Variants in PTPRD observed in about 807,000 individuals in gnomAD.
PTPRD encodes the protein receptor-type tyrosine-protein phosphatase delta.
A neutral mutation model predicts 214.5 loss-of-function variants in PTPRD; 34 were observed. The observed-to-expected ratio is 0.16, with a 90% CI of 0.12 to 0.21. The LOEUF is 0.21. Ranked by LOEUF, PTPRD falls within the 10% of genes least tolerant of loss-of-function variation. The probability of loss-of-function intolerance (pLI) is 1.00; values close to 1 mark genes in which losing one functional copy is unlikely to be tolerated. For missense variants in PTPRD, 2,545 were observed against 2,398.7 expected (o/e 1.06, Z -1.27); for synonymous variants, 1,128 against 845.7 (o/e 1.33, Z -5.79).
intron 9 of PTPRD, among the ~76,000 whole-genome samples, chr9:9,296,732 T>C (rs898013714): frequency 6.6e-6 from 1 of 151,786 alleles, no homozygotes; most frequent in Non-Finnish European, 1.5e-5. Flanking sequence ...ACATTTTAAA[T>C]AAATAAGAAG....
chr9:9,998,765 G>T (rs575173781), intron 4 of PTPRD, among the ~76,000 whole-genome samples: 9 of 152,244 alleles, frequency 5.9e-5, no homozygotes, highest in Middle Eastern at 3.4e-3. Flanking sequence ...TGAGCTAATA[G>T]CTCTAACAAG....
intron 44 of PTPRD, among the ~76,000 whole-genome samples, chr9:8,323,729 C>G (rs185896361): frequency 2.0e-5 from 3 of 152,048 alleles, no homozygotes; most frequent in Non-Finnish European, 2.9e-5. Flanking sequence ...AGTGGCTTCT[C>G]AAGATGGAAT....
At chr9:10,610,747 C>G (rs1050470080) in intron 2 of PTPRD, among the ~76,000 whole-genome samples, 1 of 152,060 alleles carries the variant, frequency 6.6e-6, no homozygotes, top group Non-Finnish European at 1.5e-5. Context: ...TCAAATGATT[C>G]CATATATGAT....
chr9:9,067,276 C>G (rs534310627), intron 10 of PTPRD, among the ~76,000 whole-genome samples: 36 of 152,272 alleles, frequency 2.4e-4, no homozygotes, highest in African/African-American at 8.4e-4. Context: ...TGTCTTAATA[C>G]TGTAAGAATT....
At chr9:8,836,254 T>G (rs889403357) in intron 11 of PTPRD, among the ~76,000 whole-genome samples, 4 of 152,074 alleles carry the variant, frequency 2.6e-5, no homozygotes, top group Non-Finnish European at 5.9e-5. Context: ...AAATGTAAAA[T>G]TTGAGTGTTT....
At chr9:8,958,809 A>T (rs1285220215) in intron 11 of PTPRD, 5 of 152,022 alleles carry the variant, frequency 3.3e-5, no homozygotes, top group Non-Finnish European at 7.4e-5. Context: ...ACATCATCCC[A>T]TAACCACAAT....
chr9:9,328,825 A>G (rs2041178538), intron 9 of PTPRD, among the ~76,000 whole-genome samples: 1 of 150,462 alleles, frequency 6.6e-6, no homozygotes, highest in South Asian at 2.1e-4. Flanking sequence ...TTAAGTGGAG[A>G]CAGGGTTTCA....
At chr9:9,878,784 A>G (rs2067683936) in intron 5 of PTPRD, among the ~76,000 whole-genome samples, 1 of 152,196 alleles carries the variant, frequency 6.6e-6, no homozygotes, top group South Asian at 2.1e-4. Context: ...TCTTCTTCTA[A>G]TAATACATGG....
rs867033943 is a variant in PTPRD at position 8,544,475 on chromosome 9, T to C, written c.353-15696A>G. Among the ~76,000 whole-genome samples, 315 of 147,620 alleles carry C rather than the reference T, an allele frequency of 2.1e-3. 2 individuals are homozygous for C. Among genetic ancestry groups the C allele is most frequent in the Non-Finnish European group, 4.0e-3 (268 of 66,644 alleles). ...GAAAATAAAAAAAATAACTTTTTTT[T>C]TTTTTTTTTTTTTGAGACAGAGTCT... On this transcript the variant is annotated intron_variant, in intron 14 of 45. Transcript: ENST00000381196.
intron 12 of PTPRD, among the ~76,000 whole-genome samples, chr9:8,666,679 G>T (rs2097176742): frequency 6.6e-6 from 1 of 152,184 alleles, no homozygotes; most frequent in African/African-American, 2.4e-5. Flanking sequence ...TTTGATAACA[G>T]GAGACAAAAT....
chr9:8,934,465 A>ATATATATATATATT (rs2098978910), intron 11 of PTPRD, among the ~76,000 whole-genome samples: 8 of 7,600 alleles, frequency 1.1e-3, no homozygotes, highest in South Asian at 5.1e-3. Flanking sequence ...ATATATATAA[A>ATATATATATATATT]TATATATATA....
At chr9:8,424,074 G>C (rs1392444691) in intron 35 of PTPRD, among the ~76,000 whole-genome samples, 1 of 152,096 alleles carries the variant, frequency 6.6e-6, no homozygotes, top group Admixed American at 6.6e-5. Flanking sequence ...TGGGTATAAA[G>C]GTTCCTATCC....
chr9:8,735,635 C>T (rs1240991927), intron 11 of PTPRD, among the ~76,000 whole-genome samples: 5 of 152,100 alleles, frequency 3.3e-5, no homozygotes, highest in South Asian at 2.1e-4. Flanking sequence ...CAGAGTCAGG[C>T]GCAGTGGCTT....
At chr9:9,536,576 G>A (rs2076557619) in intron 8 of PTPRD, among the ~76,000 whole-genome samples, 2 of 152,078 alleles carry the variant, frequency 1.3e-5, no homozygotes, top group Middle Eastern at 3.4e-3. Context: ...AACTCACTGG[G>A]CTGGACAGAG....
rs2137510392 is a variant in PTPRD, at chr9:8,507,448, G to A, written c.1544-14C>T. On this transcript the variant is annotated splice_polypyrimidine_tract_variant and intron_variant, in intron 21 of 45. Transcript: ENST00000381196. ...GCTGCCCTGGTACTAAAAACAGGGA[G>A]GCAATGGATTGAACTCACAATCACC... 7 of 1,613,576 alleles carry A rather than the reference G, an allele frequency of 4.3e-6. No individual in the cohort carries two copies. Among genetic ancestry groups the A allele is most frequent in the South Asian group, 1.1e-5 (1 of 91,050 alleles).
At chr9:8,438,720 G>A (rs967023029) in intron 34 of PTPRD, 1 of 152,158 alleles carries the variant, frequency 6.6e-6, no homozygotes, top group African/African-American at 2.4e-5. Context: ...CGGATCGTGG[G>A]AGAGAGTTAT....
At chr9:10,041,657 G>A (rs773537463) in intron 3 of PTPRD, among the ~76,000 whole-genome samples, 2 of 151,800 alleles carry the variant, frequency 1.3e-5, no homozygotes, top group Non-Finnish European at 2.9e-5. Flanking sequence ...ATCAGTCTAG[G>A]TATCAATGTT....
chr9:9,045,464 A>G (rs2099669588), intron 10 of PTPRD, among the ~76,000 whole-genome samples: 1 of 152,104 alleles, frequency 6.6e-6, no homozygotes, highest in Non-Finnish European at 1.5e-5. Context: ...GCAAACAATA[A>G]AAGCTATTGA....
intron 5 of PTPRD, among the ~76,000 whole-genome samples, chr9:9,915,082 T>C (rs1322531944): frequency 6.6e-6 from 1 of 152,088 alleles, no homozygotes; most frequent in African/African-American, 2.4e-5. Context: ...CCACAAACTC[T>C]CTTAGCATAG....
Sources: gnomAD v4.1 joint callset for allele counts (sites outside exome capture counted in the v4.1 genomes callset) on GRCh38, gnomAD v4.1.1 for gene constraint, MANE v1.5 for transcripts, NCBI Gene and HGNC (gene_info 2026-07-23, HGNC 2026-07-21) for gene names.